Variants in MBP observed in about 807,000 individuals in gnomAD.
MBP encodes the protein myelin basic protein.
A neutral mutation model predicts 35.8 loss-of-function variants in MBP; 16 were observed. That is an observed-to-expected ratio of 0.45 (90% CI 0.30 to 0.68). The LOEUF is 0.68. Among genes scored for constraint, MBP ranks in the 30% least tolerant of loss-of-function variants. The pLI, the probability that MBP is intolerant of heterozygous loss-of-function variation, is 0.08. For missense variants in MBP, 380 were observed against 404.7 expected, an observed-to-expected ratio of 0.94 and a Z score of 0.52; for synonymous variants, 143 against 159.6, an observed-to-expected ratio of 0.90 and a Z score of 0.78.
intron 4 of MBP, among the ~76,000 whole-genome samples, chr18:77,011,754 C>G: frequency 6.6e-6 from 1 of 152,312 alleles, no homozygotes; most frequent in Admixed American, 6.5e-5. Context: ...TTTTTTACTA[C>G]GTTTTTATGA....
chr18:77,018,964 TCATCCATCCATCCATCCATC>T (rs58618620), intron 3 of MBP, among the ~76,000 whole-genome samples: 3 of 122,480 alleles, frequency 2.4e-5, no homozygotes, highest in African/African-American at 9.7e-5. Flanking sequence ...ATCTATCCAT[TCATCCATCCATCCATCCATC>T]CATCCATCCA....
chr18:76,984,995 C>G (rs1033103019), intron 7 of MBP, 101 bp from the exon 8 acceptor site: 2 of 1,556,064 alleles, frequency 1.3e-6, no homozygotes, highest in Admixed American at 1.8e-5. Context: ...AGGGCCCAGG[C>G]CCCGGACTGG....
chr18:76,991,264 G>T (rs1037000636), intron 4 of MBP, among the ~76,000 whole-genome samples: 2 of 152,184 alleles, frequency 1.3e-5, no homozygotes, highest in Non-Finnish European at 2.9e-5. Context: ...CCCAGGGCCA[G>T]CTGGTAATCA....
At chr18:77,103,261 T>C (rs1458918112) in intron 2 of MBP, among the ~76,000 whole-genome samples, 2 of 152,166 alleles carry the variant, frequency 1.3e-5, no homozygotes, top group Non-Finnish European at 2.9e-5. Flanking sequence ...AAAAACGCAC[T>C]ACAGACCTCA....
intron 3 of MBP, among the ~76,000 whole-genome samples, chr18:77,029,421 C>T (rs1399535994): frequency 1.2e-4 from 9 of 77,564 alleles, no homozygotes; most frequent in Admixed American, 1.6e-4. Context: ...GAGAGGGAGA[C>T]CGTGGGGAGA....
At chr18:77,040,490 A>G (rs963460338) in intron 3 of MBP, among the ~76,000 whole-genome samples, 4 of 152,230 alleles carry the variant, frequency 2.6e-5, no homozygotes, top group Non-Finnish European at 5.9e-5. Context: ...CTAGGCCAAA[A>G]GAACAAAGCT....
intron 1 of MBP, chr18:77,114,113 G>A (rs1156773084): frequency 1.3e-5 from 2 of 152,142 alleles, no homozygotes; most frequent in African/African-American, 4.8e-5. Flanking sequence ...TTTGCTCTGG[G>A]GTATCAGATA....
chr18:77,029,008 T>G (rs1599102428), intron 3 of MBP, among the ~76,000 whole-genome samples: 2 of 104,088 alleles, frequency 1.9e-5, no homozygotes, highest in African/African-American at 5.6e-5. Flanking sequence ...CCAGACGGGG[T>G]GGCGGCCGGG....
At chr18:77,001,144 C>T (rs1328109466) in intron 4 of MBP, among the ~76,000 whole-genome samples, 1 of 151,958 alleles carries the variant, frequency 6.6e-6, no homozygotes, top group Non-Finnish European at 1.5e-5. Context: ...ACCTGGTCCC[C>T]GCCCACCGGG....
intron 7 of MBP, chr18:76,987,393 G>C: frequency 6.1e-6 from 6 of 985,392 alleles, no homozygotes; most frequent in Non-Finnish European, 7.2e-6. Flanking sequence ...AGTCAAATAT[G>C]CATTAATGGA....
At chr18:77,097,906 C>G (rs1189842933) in intron 2 of MBP, among the ~76,000 whole-genome samples, 2 of 150,494 alleles carry the variant, frequency 1.3e-5, no homozygotes, top group Middle Eastern at 3.2e-3. Flanking sequence ...CAAATCAAAT[C>G]TTTTTTTTAA....
chr18:76,988,138 G>T lies in MBP; in HGVS notation c.750+357C>A, dbSNP rs925802964. The T allele has an allele frequency of 1.3e-6, 2 of 1,529,952 alleles. No individual in the cohort carries two copies. The highest frequency in any genetic ancestry group is 1.8e-6 in the Non-Finnish European group (2 of 1,142,636). The allele number at this position is 1,529,952 out of a possible 1,614,324, so 94.8% of individuals were successfully genotyped here. On this transcript the variant is annotated intron_variant, in intron 7 of 8. Coordinates refer to ENST00000355994, the MANE Select transcript of MBP (RefSeq NM_001025101.2). The surrounding 1 kb of genome is among the most constrained non-coding windows in gnomAD (Gnocchi z 5.2). ...CCACTTCCACATGCGGGTTCCTGGG[G>T]CTTCTCGCACTGGTTGTGTTGGAGG...
intron 3 of MBP, among the ~76,000 whole-genome samples, chr18:77,052,738 C>T (rs551884190): frequency 2.2e-4 from 34 of 152,314 alleles, no homozygotes; most frequent in African/African-American, 6.5e-4. Flanking sequence ...GGGAACACAG[C>T]CACTATCCTC....
At chr18:77,053,997 G>A (rs72988990) in intron 3 of MBP, among the ~76,000 whole-genome samples, 28,879 of 152,260 alleles carry the variant, frequency 0.19, 3,346 homozygotes, top group South Asian at 0.28. Flanking sequence ...CCTCCTCGAG[G>A]TGGGGCCACA....
At chr18:77,069,588 C>T (rs1050645573) in intron 2 of MBP, among the ~76,000 whole-genome samples, 1 of 152,208 alleles carries the variant, frequency 6.6e-6, no homozygotes, top group African/African-American at 2.4e-5. Flanking sequence ...AATGCCGCAT[C>T]TTAGAAATGA....
chr18:76,993,166 G>C (rs905585933), intron 4 of MBP, among the ~76,000 whole-genome samples: 6 of 152,174 alleles, frequency 3.9e-5, no homozygotes, highest in African/African-American at 7.2e-5. Flanking sequence ...AAATGCCAGG[G>C]GCCAGGCATG....
At position 77,020,398 on chromosome 18, in the gene MBP, T is replaced by A. The variant is rs890302160; in HGVS notation, c.140-3130A>T. 2.6e-5 allele frequency among the ~76,000 whole-genome samples: 4 copies of A among 152,124 alleles called. No homozygotes were observed. On this transcript the variant is annotated intron_variant, in intron 3 of 8. Transcript: ENST00000355994. The surrounding 1 kb of genome is among the most constrained non-coding windows in gnomAD (Gnocchi z 4.1). ...TCTACGTCGGTTTCCACAAAGGACC[T>A]CTTTCAGTAACTGCCCTGGGGTCCC...
intron 3 of MBP, among the ~76,000 whole-genome samples, chr18:77,018,377 C>T (rs1181513266): frequency 1.1e-5 from 1 of 89,432 alleles, no homozygotes; most frequent in East Asian, 3.4e-4. Flanking sequence ...CCTACCCATC[C>T]ATCCATCCAT....
intron 2 of MBP, among the ~76,000 whole-genome samples, chr18:77,071,217 GGA>G (rs1441966173): frequency 6.6e-6 from 1 of 152,152 alleles, no homozygotes; most frequent in Non-Finnish European, 1.5e-5. Context: ...CTGCTTATCA[GGA>G]GAGGAAGGTG....
Sources: gnomAD v4.1 joint callset for allele counts (sites outside exome capture counted in the v4.1 genomes callset) on GRCh38, gnomAD v4.1.1 for gene constraint, Gnocchi (gnomAD v3.1) non-coding constraint, MANE v1.5 for transcripts, NCBI Gene and HGNC (gene_info 2026-07-23, HGNC 2026-07-21) for gene names.